Variants in FHOD3 observed in about 807,000 individuals in gnomAD.
FHOD3 encodes the protein formin homology 2 domain containing 3, also known as FH1/FH2 domain-containing protein 3.
FHOD3 carries 90 observed loss-of-function variants against 173.0 expected under a neutral mutation model. The ratio of observed to expected loss-of-function variants is 0.52; its 90% CI spans 0.44 to 0.62. The LOEUF (loss-of-function observed/expected upper bound fraction) is 0.62. Among genes scored for constraint, FHOD3 ranks in the 20% least tolerant of loss-of-function variants. The pLI is 0.00. For synonymous variants in FHOD3, 828 were observed against 823.0 expected (o/e 1.01, Z -0.10); for missense variants, 1,945 against 2,034.7 (o/e 0.96, Z 0.85).
intron 5 of FHOD3, among the ~76,000 whole-genome samples, chr18:36,545,451 A>G (rs946491322): frequency 2.0e-5 from 3 of 152,250 alleles, no homozygotes; most frequent in African/African-American, 7.2e-5. Context: ...GAATGGAGCC[A>G]GCTGGAGGTA....
intron 5 of FHOD3, among the ~76,000 whole-genome samples, chr18:36,541,833 A>G (rs1474023729): frequency 6.6e-6 from 1 of 152,228 alleles, no homozygotes; most frequent in African/African-American, 2.4e-5. Flanking sequence ...GAACTGAACT[A>G]AATCTCCAGC....
chr18:36,398,500 G>A (rs891680677), intron 3 of FHOD3, among the ~76,000 whole-genome samples: 22 of 152,120 alleles, frequency 1.4e-4, no homozygotes, highest in Non-Finnish European at 2.6e-4. Context: ...AGAAAATGCC[G>A]GCACTCAGTA....
chr18:36,456,683 C>T (rs890775246), intron 3 of FHOD3, among the ~76,000 whole-genome samples: 6 of 151,944 alleles, frequency 3.9e-5, no homozygotes, highest in Non-Finnish European at 8.8e-5. Flanking sequence ...GTGATGGGGT[C>T]AGAGAGGGAC....
chr18:36,319,165 GAT>G (rs568360097), intron 1 of FHOD3, among the ~76,000 whole-genome samples: 34 of 152,224 alleles, frequency 2.2e-4, no homozygotes, highest in African/African-American at 5.8e-4. Context: ...GTTCATCAGT[GAT>G]ATTGGCCTAA....
chr18:36,313,066 C>T (rs1398950137), intron 1 of FHOD3, among the ~76,000 whole-genome samples: 1 of 152,156 alleles, frequency 6.6e-6, no homozygotes, highest in East Asian at 1.9e-4. Flanking sequence ...TCCCCAGGGT[C>T]TCTCTAGTAT....
chr18:36,508,361 G>A (rs1008890807), intron 4 of FHOD3, among the ~76,000 whole-genome samples: 21 of 151,694 alleles, frequency 1.4e-4, no homozygotes, highest in Middle Eastern at 3.4e-3. Context: ...ACACCAAAAG[G>A]CACCAGAGCT....
At chr18:36,583,703 A>T (rs1007500062) in intron 6 of FHOD3, among the ~76,000 whole-genome samples, 2 of 152,174 alleles carry the variant, frequency 1.3e-5, no homozygotes, top group African/African-American at 4.8e-5. Flanking sequence ...GTGGCTGCCA[A>T]ATCCCTTTGT....
chr18:36,559,052 C>T (rs941314627), intron 5 of FHOD3, among the ~76,000 whole-genome samples: 9 of 152,184 alleles, frequency 5.9e-5, no homozygotes, highest in Admixed American at 6.5e-5. Context: ...ACAACCAACT[C>T]GGTCATCTTC....
chr18:36,500,011 G>T (rs2054947503), intron 3 of FHOD3, among the ~76,000 whole-genome samples: 2 of 152,182 alleles, frequency 1.3e-5, no homozygotes, highest in South Asian at 4.1e-4. Context: ...GCAGCAATAT[G>T]TATTAAGTTG....
chr18:36,406,173 C>T (rs530936967), intron 3 of FHOD3, among the ~76,000 whole-genome samples: 1 of 151,810 alleles, frequency 6.6e-6, no homozygotes, highest in East Asian at 1.9e-4. Flanking sequence ...GAAATGGGAC[C>T]AGTTTTCATG....
intron 3 of FHOD3, among the ~76,000 whole-genome samples, chr18:36,443,548 G>C (rs1215741845): frequency 6.6e-6 from 1 of 152,100 alleles, no homozygotes; most frequent in Non-Finnish European, 1.5e-5. Flanking sequence ...ATCTCAAGAA[G>C]TTTCATGCTT....
chr18:36,372,969 G>A (rs769989216), intron 3 of FHOD3, among the ~76,000 whole-genome samples: 17 of 152,148 alleles, frequency 1.1e-4, no homozygotes, highest in Non-Finnish European at 2.1e-4. Flanking sequence ...CAGCTTGCTG[G>A]TGAGGTGCCT....
At chr18:36,461,449 T>G (rs189503209) in intron 3 of FHOD3, among the ~76,000 whole-genome samples, 7,508 of 149,228 alleles carry the variant, frequency 0.05, 211 homozygotes, top group African/African-American at 0.064. Flanking sequence ...CTGTTTTTTT[T>G]TGTGTGTGTG....
intron 17 of FHOD3, among the ~76,000 whole-genome samples, chr18:36,705,570 C>T (rs1465601205): frequency 6.6e-6 from 1 of 152,164 alleles, no homozygotes; most frequent in Non-Finnish European, 1.5e-5. Flanking sequence ...AGAGCTCACT[C>T]ACTTTTGCCA....
chr18:36,642,913 T>C (rs887392530), intron 10 of FHOD3, among the ~76,000 whole-genome samples: 1 of 152,152 alleles, frequency 6.6e-6, no homozygotes, highest in African/African-American at 2.4e-5. Flanking sequence ...TTACTTTTTT[T>C]TCTGTACTTC....
chr18:36,574,790 T>C (rs951924333), intron 5 of FHOD3, among the ~76,000 whole-genome samples: 3 of 152,162 alleles, frequency 2.0e-5, no homozygotes, highest in Non-Finnish European at 2.9e-5. Flanking sequence ...AAATTATTTC[T>C]GATTAGTAGG....
At chr18:36,705,929 A>G (rs1353595539) in intron 17 of FHOD3, among the ~76,000 whole-genome samples, 2 of 150,372 alleles carry the variant, frequency 1.3e-5, no homozygotes, top group African/African-American at 4.9e-5. Context: ...GACCTGGCTT[A>G]GAGACACTCA....
At chr18:36,591,221 A>G (rs2059205343) in intron 6 of FHOD3, among the ~76,000 whole-genome samples, 1 of 152,226 alleles carries the variant, frequency 6.6e-6, no homozygotes, top group East Asian at 1.9e-4. Context: ...GAAGCAGAGA[A>G]GCAATCGTGG....
chr18:36,721,511 T>C (rs12454250), intron 19 of FHOD3, among the ~76,000 whole-genome samples: 75,660 of 151,818 alleles, frequency 0.5, 19,024 homozygotes, highest in African/African-American at 0.55. Flanking sequence ...CCAGGGATGG[T>C]AGTACATTCC....
Sources: gnomAD v4.1 joint callset for allele counts (sites outside exome capture counted in the v4.1 genomes callset) on GRCh38, gnomAD v4.1.1 for gene constraint, MANE v1.5 for transcripts, NCBI Gene and HGNC (gene_info 2026-07-23, HGNC 2026-07-21) for gene names.